NRXN3: variants seen among roughly 807,000 people sequenced by gnomAD.
NRXN3 encodes the protein neurexin III.
A neutral mutation model predicts 137.6 loss-of-function variants in NRXN3; 32 were observed. The ratio of observed to expected loss-of-function variants is 0.23; its 90% CI spans 0.18 to 0.31. The LOEUF is 0.31. Among genes scored for constraint, NRXN3 ranks in the 10% least tolerant of loss-of-function variants. The pLI, the probability that NRXN3 is intolerant of heterozygous loss-of-function variation, is 1.00. For synonymous variants in NRXN3, 798 were observed against 784.5 expected (o/e 1.02, Z -0.29); for missense variants, 1,574 against 2,062.5 (o/e 0.76, Z 4.59).
rs181627174 is a variant in NRXN3, at chr14:79,750,791, G to C, written c.4014+52854G>C. Among the ~76,000 whole-genome samples, 28 of 152,172 alleles carry C rather than the reference G, an allele frequency of 1.8e-4. No homozygotes were observed. The East Asian group carries it at 4.5e-3, about 24-fold the overall frequency. ...TTCCTCATTAGCCATCTTTGACTTT[G>C]TCATTGATACTATTTTCTACCTGTT... On this transcript the variant is annotated intron_variant, in intron 19 of 20. Coordinates refer to ENST00000335750, the MANE Select transcript of NRXN3 (RefSeq NM_001330195.2).
chr14:78,889,151 C>T (rs762184867), intron 10 of NRXN3, among the ~76,000 whole-genome samples: 9 of 151,838 alleles, frequency 5.9e-5, no homozygotes, highest in South Asian at 2.1e-4. Flanking sequence ...TTTTAGAATC[C>T]GATTTTCACA....
chr14:78,769,551 C>T (rs192815049), intron 8 of NRXN3, among the ~76,000 whole-genome samples: 51 of 152,284 alleles, frequency 3.3e-4, no homozygotes, highest in African/African-American at 1.2e-3. Flanking sequence ...AAAGATAGAG[C>T]CTATAATCAA....
intron 15 of NRXN3, among the ~76,000 whole-genome samples, chr14:79,453,444 C>T (rs2096209452): frequency 6.6e-6 from 1 of 152,242 alleles, no homozygotes. Context: ...TGTTTTTCTT[C>T]TGGCTGAAGG....
Position 79,861,967 on chromosome 14 carries a change from A to T in NRXN3, c.*3A>T. ...AGGACAGGGAGTATTACGTGTAAAC[A>T]TGCGAACACTGCTCACACGCGAGTT... On this transcript the variant is annotated 3_prime_UTR_variant, in exon 21 of 21. Transcript: ENST00000335750. This position sits in a 1 kb window ranked among gnomAD's most constrained non-coding sequence, Gnocchi z 5.4. 1.2e-6 allele frequency: 2 copies of T among 1,606,128 alleles called. No individual in the cohort carries two copies. The highest frequency in any genetic ancestry group is 1.7e-6 in the Non-Finnish European group (2 of 1,174,962).
intron 15 of NRXN3, among the ~76,000 whole-genome samples, chr14:79,176,033 C>T (rs567110482): frequency 6.6e-6 from 1 of 152,266 alleles, no homozygotes; most frequent in South Asian, 2.1e-4. Flanking sequence ...AAAACCAAAC[C>T]AAACCAAACA....
intron 20 of NRXN3, among the ~76,000 whole-genome samples, chr14:79,842,401 A>G (rs1356392187): frequency 6.6e-6 from 1 of 152,138 alleles, no homozygotes; most frequent in Non-Finnish European, 1.5e-5. Context: ...TGAGCAAGGC[A>G]AGGGATGTTC....
chr14:79,723,672 T>G (rs2098859011), intron 19 of NRXN3, among the ~76,000 whole-genome samples: 1 of 152,044 alleles, frequency 6.6e-6, no homozygotes, highest in Non-Finnish European at 1.5e-5. Flanking sequence ...CACCCCAGGG[T>G]CTTCTGTGTT....
At chr14:78,917,945 A>G (rs908430623) in intron 10 of NRXN3, among the ~76,000 whole-genome samples, 2 of 149,732 alleles carry the variant, frequency 1.3e-5, no homozygotes, top group African/African-American at 4.9e-5. Flanking sequence ...TTTTCTAGAT[A>G]TGTGATTTTG....
At chr14:78,634,290 G>C (rs2097548077) in intron 4 of NRXN3, among the ~76,000 whole-genome samples, 1 of 152,172 alleles carries the variant, frequency 6.6e-6, no homozygotes, top group Admixed American at 6.5e-5. Flanking sequence ...AGCAACGATG[G>C]GGCAGGAGGA....
intron 10 of NRXN3, among the ~76,000 whole-genome samples, chr14:78,866,476 G>A (rs149634794): frequency 6.6e-6 from 1 of 152,242 alleles, no homozygotes; most frequent in Non-Finnish European, 1.5e-5. Context: ...ACCCACCAAT[G>A]ACAGGGCTAT....
intron 16 of NRXN3, among the ~76,000 whole-genome samples, chr14:79,628,484 G>A (rs938201946): frequency 6.6e-6 from 1 of 152,202 alleles, no homozygotes; most frequent in Non-Finnish European, 1.5e-5. Context: ...GATTTAGCAG[G>A]AGATTTGTAG....
intron 20 of NRXN3, among the ~76,000 whole-genome samples, chr14:79,836,658 C>G (rs2099344600): frequency 6.6e-6 from 1 of 152,070 alleles, no homozygotes; most frequent in South Asian, 2.1e-4. Flanking sequence ...GATTGAGGGT[C>G]CCAGAGAACC....
intron 15 of NRXN3, among the ~76,000 whole-genome samples, chr14:79,070,127 A>T (rs369544545): frequency 6.6e-6 from 1 of 152,124 alleles, no homozygotes; most frequent in African/African-American, 2.4e-5. Flanking sequence ...TGGCCTTTGC[A>T]TTGTACACAA....
intron 4 of NRXN3, among the ~76,000 whole-genome samples, chr14:78,591,646 T>G (rs1200777535): frequency 6.6e-6 from 1 of 152,166 alleles, no homozygotes; most frequent in African/African-American, 2.4e-5. Flanking sequence ...TTCCTTAGAG[T>G]AGACTGTTGG....
At chr14:78,355,864 T>G (rs1175771055) in intron 4 of NRXN3, among the ~76,000 whole-genome samples, 1 of 152,216 alleles carries the variant, frequency 6.6e-6, no homozygotes, top group Non-Finnish European at 1.5e-5. Flanking sequence ...CATATAACCG[T>G]AATAGGAAAA....
intron 19 of NRXN3, among the ~76,000 whole-genome samples, chr14:79,766,740 C>T (rs190631044): frequency 6.6e-6 from 1 of 152,238 alleles, no homozygotes. Flanking sequence ...TGAGTATTTA[C>T]CATGTTATTG....
At chr14:78,200,613 T>C (rs1254102852) in intron 1 of NRXN3, among the ~76,000 whole-genome samples, 1 of 152,212 alleles carries the variant, frequency 6.6e-6, no homozygotes. Flanking sequence ...GATGGTATGG[T>C]GTCCTAGACA....
chr14:79,855,410 T>C (rs2099400411), intron 20 of NRXN3, among the ~76,000 whole-genome samples: 1 of 152,326 alleles, frequency 6.6e-6, no homozygotes, highest in Non-Finnish European at 1.5e-5. Context: ...GGGCTCTCTC[T>C]ACCTCAGTTT....
intron 4 of NRXN3, among the ~76,000 whole-genome samples, chr14:78,371,743 G>C (rs767068025): frequency 6.6e-6 from 1 of 152,232 alleles, no homozygotes; most frequent in Admixed American, 6.5e-5. Context: ...CTGCTGTAGC[G>C]AAGTGGCGAG....
Sources: allele counts gnomAD v4.1 joint callset (sites outside exome capture counted in the v4.1 genomes callset), GRCh38; gene constraint gnomAD v4.1.1; non-coding constraint Gnocchi (gnomAD v3.1); transcripts MANE v1.5; gene names NCBI Gene and HGNC (gene_info 2026-07-23, HGNC 2026-07-21).